DTX2: variants seen among roughly 807,000 people sequenced by gnomAD.
DTX2 encodes probable E3 ubiquitin-protein ligase DTX2.
Under a neutral mutation model 55.3 loss-of-function variants are expected in DTX2, and 29 were observed. The observed-to-expected ratio is 0.52, with a 90% CI of 0.39 to 0.71. The LOEUF (loss-of-function observed/expected upper bound fraction) is 0.71. Among genes scored for constraint, DTX2 ranks in the 30% least tolerant of loss-of-function variants. The pLI is 0.00. For synonymous variants in DTX2, 276 were observed against 340.4 expected (o/e 0.81, Z 2.08); for missense variants, 537 against 822.5 (o/e 0.65, Z 4.25).
Position 76,480,549 on chromosome 7 carries a change from A to C in DTX2, c.40A>C (p.Thr14Pro), listed in dbSNP as rs778143954. 1.2e-6 allele frequency: 2 copies of C among 1,611,962 alleles called. No homozygotes were observed. Among genetic ancestry groups the C allele is most frequent in the Non-Finnish European group, 1.7e-6 (2 of 1,179,824 alleles). The change falls in exon 3 of 11, where the codon ACC (threonine) becomes CCC (proline). Residue 14 changes from threonine (T) to proline (P), a missense_variant. Thr to Pro is a conservative substitution (Grantham distance 38, BLOSUM62 -1). Around this residue, in one of 7 missense-constraint regions of DTX2, gnomAD observed 301 missense variants for 396.6 expected, o/e 0.76. Coordinates refer to ENST00000430490, the MANE Select transcript of DTX2 (RefSeq NM_001102594.3). ...AAGCCCTTCCCTGGTGCAGGTGTACACCAGCCCCGCGGCTGTGGCCGTGTG... is the reference window on the plus strand; with the variant it reads ...AAGCCCTTCCCTGGTGCAGGTGTACCCCAGCCCCGCGGCTGTGGCCGTGTG... Reference protein sequence around the residue: ...APSPSLVQVYTSPAAVAVWEW... With the variant: ...APSPSLVQVYPSPAAVAVWEW...
At chr7:76,498,763 G>A (rs1463160655) in intron 6 of DTX2, among the ~76,000 whole-genome samples, 4 of 116,796 alleles carry the variant, frequency 3.4e-5, no homozygotes, top group Non-Finnish European at 6.8e-5. Context: ...TCTCGCCACC[G>A]TGACAGGATT....
intron 7 of DTX2, chr7:76,501,253 G>T (rs1266881731): frequency 2.2e-6 from 1 of 455,978 alleles, no homozygotes; most frequent in African/African-American, 2.0e-5. Flanking sequence ...CTCTTCACTT[G>T]TCTCTTTCTC....
rs749268963 is a variant in DTX2 at position 76,483,006 on chromosome 7, G to C, written c.767G>C (p.Arg256Pro). 6.2e-7 allele frequency: 1 copy of C among 1,613,454 alleles called. No homozygotes were observed. Among genetic ancestry groups the C allele is most frequent in the Non-Finnish European group, 8.5e-7 (1 of 1,179,676 alleles). Residue 256 changes from arginine to proline, a missense_variant, in exon 4 of 11, where the codon CGG becomes CCG. Arg to Pro is a moderately radical substitution (Grantham distance 103, BLOSUM62 -2). Around this residue, in one of 7 missense-constraint regions of DTX2, gnomAD observed 301 missense variants for 396.6 expected, o/e 0.76. Transcript: ENST00000430490. ...PYNKPSLSGA[R>P]SAPRLNTTNA... Reference sequence around the variant, plus strand: ...AACAAACCCTCACTCTCCGGGGCCCGGTCTGCGCCCAGGCTGAACACCACC... The same window carrying C: ...AACAAACCCTCACTCTCCGGGGCCCCGTCTGCGCCCAGGCTGAACACCACC...
rs187010008 is a variant in DTX2 at position 76,480,327 on chromosome 7, G to C, written c.-89-94G>C. The C allele has an allele frequency of 4.6e-3, 3,344 of 719,978 alleles. 42 individuals carry two copies. Among genetic ancestry groups the C allele is most frequent in the Middle Eastern group, 0.022 (52 of 2,414 alleles). 44.6% of individuals were successfully genotyped at this position (719,978 alleles called of 1,614,324 possible). On this transcript the variant is annotated intron_variant, in intron 2 of 10. Coordinates refer to ENST00000430490, the MANE Select transcript of DTX2 (RefSeq NM_001102594.3). ...AACCAAAAAAAAAAAAAAATCAGCT[G>C]TGGAAAAGCATCACGTGTTTCCCCT... is the stretch of plus-strand genomic sequence containing the variant.
Position 76,505,239 on chromosome 7 carries a change from T to C in DTX2, c.1642-135T>C. 1 of 718,722 alleles carries C rather than the reference T, an allele frequency of 1.4e-6. No individual in the cohort carries two copies. The highest frequency in any genetic ancestry group is 2.3e-6 in the Non-Finnish European group (1 of 427,630). 44.5% of individuals were successfully genotyped at this position (718,722 alleles called of 1,614,324 possible). A position where few individuals can be genotyped will look rare whatever the true frequency, so the allele number is the denominator to read the frequency against. On this transcript the variant is annotated intron_variant, in intron 10 of 10. Transcript: ENST00000430490. The surrounding 1 kb of genome is among the most constrained non-coding windows in gnomAD (Gnocchi z 4.4). ...AGTTTTGGGGTCCCTGCAGATGGGG[T>C]GAGTGCCAGGGAGTGGATGAGTCAC...
In DTX2 at chr7:76,482,789, A is replaced by G. The variant is rs1290947869; in HGVS notation, c.550A>G (p.Thr184Ala). The G allele has an allele frequency of 3.1e-6, 5 of 1,613,626 alleles. No homozygotes were observed. The highest frequency in any genetic ancestry group is 1.6e-4 in the Middle Eastern group (1 of 6,070). The change falls in exon 4 of 11, where the codon ACC becomes GCC. Residue 184 changes from threonine (T) to alanine (A), a missense_variant. Physicochemically the swap from Thr to Ala is moderately conservative, Grantham distance 58. Around this residue, in one of 7 missense-constraint regions of DTX2, gnomAD observed 301 missense variants for 396.6 expected, o/e 0.76. Transcript: ENST00000430490. ...RQAGPPYPVT[T>A]IIAPPGHTGV... ...AGCAGGGCCGCCTTACCCGGTGACC[A>G]CCATCATCGCTCCGCCGGGCCACAC...
chr7:76,469,040 C>T lies in DTX2; in HGVS notation c.-90+5331C>T, dbSNP rs1166403872. On this transcript the variant is annotated intron_variant, in intron 2 of 10. Transcript: ENST00000430490. ...TCAGCCTCCCGAAGTGCTGGGATTA[C>T]AGGCGTGAGCTACCGCATTCAGCCC... Among the ~76,000 whole-genome samples, 9 of 123,470 alleles carry T rather than the reference C, an allele frequency of 7.3e-5. 1 individual carries two copies. Among genetic ancestry groups the T allele is most frequent in the Non-Finnish European group, 1.7e-5 (1 of 57,316 alleles). 81.0% of individuals were successfully genotyped at this position (123,470 alleles called of 152,430 possible).
At chr7:76,487,004 C>T (rs1257306476) in intron 4 of DTX2, among the ~76,000 whole-genome samples, 2 of 98,340 alleles carry the variant, frequency 2.0e-5, no homozygotes, top group African/African-American at 3.8e-5. Flanking sequence ...GATAGGCCCT[C>T]GGTCTCTTTT....
At chr7:76,469,360 A>AC (rs1554631124) in intron 2 of DTX2, among the ~76,000 whole-genome samples, 1 of 81,302 alleles carries the variant, frequency 1.2e-5, no homozygotes, top group African/African-American at 4.2e-5. Context: ...TGAAATCTAG[A>AC]TTTTTTTTTT....
At chr7:76,468,068 G>A (rs1265678825) in intron 2 of DTX2, among the ~76,000 whole-genome samples, 2 of 152,298 alleles carry the variant, frequency 1.3e-5, no homozygotes, top group Non-Finnish European at 2.9e-5. Flanking sequence ...GGGGGGAATG[G>A]AGAGAGGAGG....
intron 2 of DTX2, among the ~76,000 whole-genome samples, chr7:76,477,738 T>C (rs1808704935): frequency 7.4e-6 from 1 of 135,036 alleles, no homozygotes; most frequent in Non-Finnish European, 1.6e-5. Flanking sequence ...ACCATGGGGC[T>C]GCAGTGAGTG....
rs1338926394 is a variant in DTX2 at position 76,482,715 on chromosome 7, A to T, written c.476A>T (p.His159Leu). 5 of 1,613,696 alleles carry T rather than the reference A, an allele frequency of 3.1e-6. No individual in the cohort carries two copies. The highest frequency in any genetic ancestry group is 4.2e-6 in the Non-Finnish European group (5 of 1,179,798). ...GYNYTVNYTT[H>L]TQTNKTSSFC... ...AACTACACTGTCAACTACACCACCC[A>T]CACGCAGACCAACAAGACTTCCAGC... Residue 159 changes from histidine to leucine, a missense_variant, in exon 4 of 11, where the codon CAC (histidine) becomes CTC (leucine). This residue lies in a region of DTX2 where 301 missense variants were observed against 396.6 expected (regional missense o/e 0.76). Coordinates refer to ENST00000430490, the MANE Select transcript of DTX2 (RefSeq NM_001102594.3).
At chr7:76,500,294 C>T (rs1811517753) in intron 6 of DTX2, 147 bp from the exon 7 acceptor site, 1 of 420,572 alleles carries the variant, frequency 2.4e-6, no homozygotes, top group Non-Finnish European at 4.5e-6. Context: ...GCGCTGAGCT[C>T]TCCCGTCCCG....
intron 4 of DTX2, among the ~76,000 whole-genome samples, chr7:76,490,995 CTTT>C (rs773754831): frequency 2.4e-3 from 152 of 63,354 alleles, no homozygotes; most frequent in Middle Eastern, 0.013. Context: ...TGAGAACCTG[CTTT>C]TTTTTTTTTT....
chr7:76,503,448 C>T lies in DTX2; in HGVS notation c.1412C>T (p.Ser471Phe), dbSNP rs1227058808. The change falls in exon 9 of 11, where the codon TCC becomes TTC. Residue 471 changes from serine (S) to phenylalanine (F), a missense_variant. Transcript: ENST00000430490. ...CAGGATGGAAGTCTGCAGTGTCCCT[C>T]CTGCAAAACCATCTATGGAGAGAAG... is the stretch of plus-strand genomic sequence containing the variant. ...GNKDGSLQCP[S>F]CKTIYGEKTG... is the part of the protein sequence containing the mutation. 6.2e-7 allele frequency: 1 copy of T among 1,612,726 alleles called. No homozygotes were observed. The highest frequency in any genetic ancestry group is 1.3e-5 in the African/African-American group (1 of 74,920).
intron 7 of DTX2, chr7:76,501,206 G>A (rs2116600133): frequency 6.8e-6 from 3 of 443,954 alleles, no homozygotes; most frequent in South Asian, 1.6e-5. Context: ...AGATACTTGG[G>A]GGCGGGTGGA....
Position 76,480,683 on chromosome 7 carries a change from C to A in DTX2, c.174C>A (p.Ser58Arg). 2.5e-6 allele frequency: 4 copies of A among 1,613,674 alleles called. No individual in the cohort carries two copies. The highest frequency in any genetic ancestry group is 3.4e-6 in the Non-Finnish European group (4 of 1,179,842). The change falls in exon 3 of 11, where the codon AGC becomes AGA. Residue 58 changes from serine (S) to arginine (R), a missense_variant. Transcript: ENST00000430490. ...QQKGQRFGLG[S>R]LAHSIPLGQA... Reference sequence around the variant, plus strand: ...AGGGCCAACGTTTTGGGCTTGGGAGCCTGGCCCACAGCATCCCCTTGGGCC... The same window carrying A: ...AGGGCCAACGTTTTGGGCTTGGGAGACTGGCCCACAGCATCCCCTTGGGCC...
At chr7:76,465,219 T>C (rs1483101621) in intron 2 of DTX2, among the ~76,000 whole-genome samples, 1 of 143,936 alleles carries the variant, frequency 6.9e-6, no homozygotes, top group East Asian at 2.0e-4. Context: ...TGGGTGGGAT[T>C]CAGGGTGAAG....
At chr7:76,498,590 C>T (rs1364569203) in intron 6 of DTX2, among the ~76,000 whole-genome samples, 11 of 110,238 alleles carry the variant, frequency 1.0e-4, no homozygotes, top group Middle Eastern at 4.1e-3. Context: ...ATGCTGTGCC[C>T]GGCCTCACCA....
Sources: allele counts gnomAD v4.1 joint callset (sites outside exome capture counted in the v4.1 genomes callset), GRCh38; gene constraint gnomAD v4.1.1; regional missense constraint gnomAD v4.1.1; non-coding constraint Gnocchi (gnomAD v3.1); transcripts MANE v1.5; gene names NCBI Gene and HGNC (gene_info 2026-07-23, HGNC 2026-07-21).